Variants in CDH8 observed in about 807,000 individuals in gnomAD.
The protein encoded by CDH8 is cadherin 8.
In CDH8, 17 loss-of-function variants were observed where a neutral mutation model predicts 68.1. The ratio of observed to expected loss-of-function variants is 0.25; its 90% CI spans 0.17 to 0.37. The LOEUF (loss-of-function observed/expected upper bound fraction) is 0.37, where lower values mean the gene tolerates loss of function less well. CDH8 is among the 10% of genes least tolerant of loss of function. The probability of loss-of-function intolerance (pLI) is 1.00; values close to 1 mark genes in which losing one functional copy is unlikely to be tolerated. For missense variants in CDH8, 763 were observed against 999.3 expected (o/e 0.76, Z 3.19); for synonymous variants, 372 against 365.1 (o/e 1.02, Z -0.21).
intron 3 of CDH8, among the ~76,000 whole-genome samples, chr16:61,877,784 G>A (rs939748105): frequency 1.3e-5 from 2 of 152,114 alleles, no homozygotes; most frequent in African/African-American, 4.8e-5. Flanking sequence ...GAAAATGAAT[G>A]CACGGGGGAA....
intron 10 of CDH8, among the ~76,000 whole-genome samples, chr16:61,657,095 G>A (rs1262242676): frequency 2.0e-5 from 3 of 150,022 alleles, no homozygotes; most frequent in Admixed American, 6.6e-5. Flanking sequence ...ATAGACCCCC[G>A]AACACAGGGC....
At chr16:61,688,901 C>T (rs886283922) in intron 10 of CDH8, among the ~76,000 whole-genome samples, 2 of 151,952 alleles carry the variant, frequency 1.3e-5, no homozygotes, top group African/African-American at 2.4e-5. Context: ...TCAACCAAAG[C>T]ACTGTGAGAA....
At chr16:61,743,894 T>C (rs531071028) in intron 8 of CDH8, among the ~76,000 whole-genome samples, 10 of 152,270 alleles carry the variant, frequency 6.6e-5, no homozygotes, top group African/African-American at 2.4e-4. Flanking sequence ...TTGTTTTTCA[T>C]GGGTTTTTTC....
At chr16:61,945,299 T>A (rs1196765619) in intron 2 of CDH8, among the ~76,000 whole-genome samples, 4 of 152,138 alleles carry the variant, frequency 2.6e-5, no homozygotes, top group African/African-American at 7.2e-5. Context: ...AGAATTTGCA[T>A]CGGAATGATC....
intron 2 of CDH8, among the ~76,000 whole-genome samples, chr16:61,939,293 T>G (rs1186363334): frequency 3.3e-5 from 5 of 152,212 alleles, no homozygotes; most frequent in Non-Finnish European, 7.3e-5. Context: ...AAACATGAAT[T>G]GGAAAAAACT....
Position 61,651,946 on chromosome 16 carries a change from G to A in CDH8, c.*1662C>T, listed in dbSNP as rs1461512983. Reference sequence around the variant, plus strand: ...TTTGGTTGAGTATTCTAGAATTTTAGTTTGAGTTGATGATTCTGTTAATAG... The same window carrying A: ...TTTGGTTGAGTATTCTAGAATTTTAATTTGAGTTGATGATTCTGTTAATAG... On this transcript the variant is annotated 3_prime_UTR_variant, in exon 12 of 12. Coordinates refer to ENST00000577390, the MANE Select transcript of CDH8 (RefSeq NM_001796.5). 1.7e-5 allele frequency: 6 copies of A among 349,164 alleles called. No homozygotes were observed. The highest frequency in any genetic ancestry group is 2.4e-5 in the Non-Finnish European group (6 of 248,866). The allele number at this position is 349,164 out of a possible 1,614,324, so 21.6% of individuals were successfully genotyped here. A position where few individuals can be genotyped will look rare whatever the true frequency, so the allele number is the denominator to read the frequency against.
At chr16:61,913,663 C>T (rs1048032589) in intron 2 of CDH8, among the ~76,000 whole-genome samples, 17 of 152,136 alleles carry the variant, frequency 1.1e-4, no homozygotes, top group Non-Finnish European at 2.1e-4. Context: ...ACAAACAAAA[C>T]TTGAAATTTG....
chr16:61,665,044 G>C (rs1405030497), intron 10 of CDH8, among the ~76,000 whole-genome samples: 1 of 151,968 alleles, frequency 6.6e-6, no homozygotes, highest in Non-Finnish European at 1.5e-5. Flanking sequence ...ATAACCCTCA[G>C]TTTGCCTGCA....
intron 8 of CDH8, among the ~76,000 whole-genome samples, chr16:61,748,817 CCTT>C (rs1960088607): frequency 6.6e-6 from 1 of 152,032 alleles, no homozygotes; most frequent in Non-Finnish European, 1.5e-5. Context: ...AACAAGACCT[CCTT>C]CTTTGTGAAT....
intron 3 of CDH8, among the ~76,000 whole-genome samples, chr16:61,867,156 A>C (rs1963271384): frequency 6.6e-6 from 1 of 152,216 alleles, no homozygotes; most frequent in South Asian, 2.1e-4. Flanking sequence ...TCATTACAAG[A>C]ACTATGAGTT....
At chr16:61,825,272 T>C in intron 4 of CDH8, 93 bp from the exon 5 acceptor site, 4 of 894,382 alleles carry the variant, frequency 4.5e-6, no homozygotes, top group Admixed American at 2.8e-5. Context: ...CACACAAGCA[T>C]ACACCAAGTC....
At chr16:61,870,316 C>T (rs770691237) in intron 3 of CDH8, among the ~76,000 whole-genome samples, 1 of 152,068 alleles carries the variant, frequency 6.6e-6, no homozygotes, top group Admixed American at 6.6e-5. Context: ...CAGCTGTTCG[C>T]CAGGCGGAAA....
chr16:61,857,037 T>C, intron 4 of CDH8, 82 bp downstream of exon 4: 1 of 1,515,102 alleles, frequency 6.6e-7, no homozygotes, highest in Non-Finnish European at 9.1e-7. Context: ...TTACACATAA[T>C]ATTTCATAAC....
intron 8 of CDH8, among the ~76,000 whole-genome samples, chr16:61,730,167 A>T (rs1050768158): frequency 6.6e-6 from 1 of 151,448 alleles, no homozygotes; most frequent in Admixed American, 6.6e-5. Flanking sequence ...AACCTAGATG[A>T]CCAACAGGTG....
intron 10 of CDH8, among the ~76,000 whole-genome samples, chr16:61,698,020 G>C (rs1050905890): frequency 6.6e-6 from 1 of 152,134 alleles, no homozygotes; most frequent in Non-Finnish European, 1.5e-5. Flanking sequence ...GCTTGAGTGG[G>C]ATTTTCTGAC....
chr16:61,857,165 A>G lies in CDH8; in HGVS notation c.621T>C (p.Tyr207=), dbSNP rs370525564. The G allele has an allele frequency of 2.5e-6, 4 of 1,613,536 alleles. No homozygotes were observed. The highest frequency in any genetic ancestry group is 2.5e-6 in the Non-Finnish European group (3 of 1,179,660). ...AATAAGGCTGCCCTTCCAATATACT[A>G]TAAACCAACTTTGCACTGTTTCCAT... is the stretch of plus-strand genomic sequence containing the variant. ...PVYGNSAKLV[Y]SILEGQPYFS... The change falls in exon 4 of 12, where the codon TAT becomes TAC. Residue 207 remains tyrosine, a synonymous_variant. Transcript: ENST00000577390.
chr16:61,848,377 C>T (rs1246661018), intron 4 of CDH8, among the ~76,000 whole-genome samples: 2 of 152,086 alleles, frequency 1.3e-5, no homozygotes, highest in Non-Finnish European at 2.9e-5. Context: ...TTCTTTGACT[C>T]TAGCTATGGT....
intron 9 of CDH8, among the ~76,000 whole-genome samples, chr16:61,721,746 T>C (rs181495277): frequency 6.6e-6 from 1 of 150,928 alleles, no homozygotes; most frequent in East Asian, 1.9e-4. Context: ...AAAGTTCTGC[T>C]TCCTTGGAGA....
intron 10 of CDH8, among the ~76,000 whole-genome samples, chr16:61,663,636 G>T (rs1963611769): frequency 6.6e-6 from 1 of 151,766 alleles, no homozygotes; most frequent in Non-Finnish European, 1.5e-5. Flanking sequence ...CAGTTTTAAG[G>T]AACTGAACAC....
Sources: allele counts gnomAD v4.1 joint callset (sites outside exome capture counted in the v4.1 genomes callset), GRCh38; gene constraint gnomAD v4.1.1; transcripts MANE v1.5; gene names NCBI Gene and HGNC (gene_info 2026-07-23, HGNC 2026-07-21).